EHMT1: variants seen among roughly 807,000 people sequenced by gnomAD.
EHMT1 encodes the protein histone-lysine N-methyltransferase EHMT1.
In EHMT1, 15 loss-of-function variants were observed where a neutral mutation model predicts 147.2. The observed-to-expected ratio is 0.10, with a 90% CI of 0.07 to 0.16. The LOEUF (loss-of-function observed/expected upper bound fraction) is 0.16. EHMT1 is among the 10% of genes least tolerant of loss of function. The pLI is 1.00. For synonymous variants in EHMT1, 795 were observed against 709.6 expected, an observed-to-expected ratio of 1.12 and a Z score of -1.91; for missense variants, 1,587 against 1,772.4, an observed-to-expected ratio of 0.90 and a Z score of 1.88.
In EHMT1 at chr9:137,743,538, G is replaced by A. The variant is rs544345305; in HGVS notation, c.981+10G>A. ...CACTGTGGGTTCCAAGGTAAGAGAC[G>A]CATTTGAGTGAGTTGCCACGTGTGC... On this transcript the variant is annotated intron_variant, in intron 5 of 26. Transcript: ENST00000460843. 6.2e-6 allele frequency: 10 copies of A among 1,614,046 alleles called. No individual in the cohort carries two copies. Among genetic ancestry groups the A allele is most frequent in the Middle Eastern group, 1.6e-4 (1 of 6,062 alleles).
chr9:137,833,949 C>T (rs796698249), intron 25 of EHMT1: 4 of 284,018 alleles, frequency 1.4e-5, no homozygotes, highest in South Asian at 7.9e-5. Flanking sequence ...ACCCCCTCAG[C>T]CCCTGCCACT....
intron 25 of EHMT1, among the ~76,000 whole-genome samples, chr9:137,833,683 A>G (rs1216769302): frequency 1.3e-5 from 2 of 152,200 alleles, no homozygotes; most frequent in East Asian, 1.9e-4. Context: ...GCCCAGGGCC[A>G]TGTGGCCACC....
intron 1 of EHMT1, among the ~76,000 whole-genome samples, chr9:137,654,003 G>T (rs911948661): frequency 2.0e-5 from 3 of 152,120 alleles, no homozygotes; most frequent in Non-Finnish European, 2.9e-5. Context: ...TCACGCTTTC[G>T]CATATGGCTC....
At position 137,740,986 on chromosome 9, in the gene EHMT1, TG is replaced by T. The variant is rs202034448; in HGVS notation, c.824-2384del. Among the ~76,000 whole-genome samples, 121 of 147,794 alleles carry T rather than the reference TG, an allele frequency of 8.2e-4. 4 individuals carry two copies. Among genetic ancestry groups the T allele is most frequent in the Admixed American group, 1.1e-3 (17 of 14,820 alleles). On this transcript the variant is annotated intron_variant, in intron 4 of 26. Transcript: ENST00000460843. ...CTGGGCCCCGACATGATTTTTTTTTTGTTTGTTTGAGACAGAGTCTCGCTGT... is the reference window on the plus strand; with the variant it reads ...CTGGGCCCCGACATGATTTTTTTTTTTTTGTTTGAGACAGAGTCTCGCTGT...
rs1288957401 is a variant in EHMT1 at position 137,711,036 on chromosome 9, G to A, written c.85+6G>A. Reference sequence around the variant, plus strand: ...AACCGAGCTGCTGGGAGAAGGTGAGGGCGGTGTGCACCGAGGGACAGGAGC... The same window carrying A: ...AACCGAGCTGCTGGGAGAAGGTGAGAGCGGTGTGCACCGAGGGACAGGAGC... On this transcript the variant is annotated splice_donor_region_variant and intron_variant, in intron 2 of 26. Coordinates refer to ENST00000460843, the MANE Select transcript of EHMT1 (RefSeq NM_024757.5). 10 of 1,587,982 alleles carry A rather than the reference G, an allele frequency of 6.3e-6. No homozygotes were observed. In the East Asian group the frequency reaches 6.9e-5, roughly 11 times the overall value.
At chr9:137,818,200 T>G in intron 25 of EHMT1, 62 bp downstream of exon 25, 5 of 1,565,834 alleles carry the variant, frequency 3.2e-6, no homozygotes, top group Non-Finnish European at 4.4e-6. Context: ...CTGAATGTGT[T>G]TGTCCCAGTA....
intron 1 of EHMT1, among the ~76,000 whole-genome samples, chr9:137,656,280 T>C (rs950888705): frequency 6.6e-6 from 1 of 152,142 alleles, no homozygotes; most frequent in Non-Finnish European, 1.5e-5. Flanking sequence ...CTCAGGAGGC[T>C]GAGGCAGGAG....
chr9:137,622,010 A>G (rs1842967316), intron 1 of EHMT1, among the ~76,000 whole-genome samples: 1 of 151,272 alleles, frequency 6.6e-6, no homozygotes, highest in Non-Finnish European at 1.5e-5. Context: ...ACATGTGCAC[A>G]ACGTGCAGGT....
intron 7 of EHMT1, among the ~76,000 whole-genome samples, chr9:137,753,687 C>T (rs552094418): frequency 1.3e-4 from 20 of 152,332 alleles, no homozygotes; most frequent in South Asian, 4.1e-4. Context: ...TTGCTGCATC[C>T]GGATTTTAGA....
In EHMT1 at chr9:137,787,988, G is replaced by T; in HGVS notation, c.2383-2860G>T. On this transcript the variant is annotated intron_variant, in intron 15 of 26. Transcript: ENST00000460843. The surrounding 1 kb of genome is among the most constrained non-coding windows in gnomAD (Gnocchi z 4.2). ...TGGACAGCCCCCCAGGAACTGAGGT[G>T]CCCTGCAGTAAGTGGAGAGGCCAGG... 1 of 1,471,888 alleles carries T rather than the reference G, an allele frequency of 6.8e-7. No individual in the cohort carries two copies. 91.2% of individuals were successfully genotyped at this position (1,471,888 alleles called of 1,614,324 possible).
chr9:137,708,885 T>G (rs1944462459), intron 1 of EHMT1, among the ~76,000 whole-genome samples: 1 of 152,122 alleles, frequency 6.6e-6, no homozygotes, highest in South Asian at 2.1e-4. Context: ...GCTCTGTGAG[T>G]GAGGAAAGCT....
At chr9:137,669,401 C>A in intron 1 of EHMT1, among the ~76,000 whole-genome samples, 2 of 150,624 alleles carry the variant, frequency 1.3e-5, no homozygotes, top group Non-Finnish European at 3.0e-5. Flanking sequence ...ACGCCCCCCA[C>A]AGCACGTGCA....
At chr9:137,760,916 G>A (rs1015904549) in intron 9 of EHMT1, among the ~76,000 whole-genome samples, 1 of 152,244 alleles carries the variant, frequency 6.6e-6, no homozygotes, top group Non-Finnish European at 1.5e-5. Flanking sequence ...GCTGAGGCGG[G>A]AGAATGGCTT....
chr9:137,656,829 C>G (rs1204251067), intron 1 of EHMT1, among the ~76,000 whole-genome samples: 1 of 152,162 alleles, frequency 6.6e-6, no homozygotes, highest in African/African-American at 2.4e-5. Flanking sequence ...CAACCTCTGT[C>G]TCCCAGGTTC....
chr9:137,734,794 G>A (rs2135903391), intron 4 of EHMT1, among the ~76,000 whole-genome samples: 1 of 152,250 alleles, frequency 6.6e-6, no homozygotes, highest in South Asian at 2.1e-4. Context: ...TATATCACCG[G>A]TATATTAAGA....
At chr9:137,707,916 C>T (rs114764099) in intron 1 of EHMT1, among the ~76,000 whole-genome samples, 256 of 152,280 alleles carry the variant, frequency 1.7e-3, no homozygotes, top group African/African-American at 5.8e-3. Flanking sequence ...AGAGCTGTGC[C>T]GTGGCAGGCA....
chr9:137,818,314 G>A (rs1955091748), intron 25 of EHMT1, among the ~76,000 whole-genome samples, 176 bp downstream of exon 25: 1 of 152,174 alleles, frequency 6.6e-6, no homozygotes, highest in Admixed American at 6.5e-5. Flanking sequence ...TGCCCTGCAT[G>A]GATGGAGGGA....
intron 1 of EHMT1, among the ~76,000 whole-genome samples, chr9:137,644,957 C>G (rs1015958865): frequency 6.6e-6 from 1 of 152,074 alleles, no homozygotes; most frequent in African/African-American, 2.4e-5. Flanking sequence ...ACTGCAGTCT[C>G]CACCTCCCAG....
At chr9:137,784,306 C>A in intron 15 of EHMT1, 1 of 1,412,488 alleles carries the variant, frequency 7.1e-7, no homozygotes, top group South Asian at 1.6e-5. Flanking sequence ...GTGGCTCCAT[C>A]TTCACAGCCT....
Sources: gnomAD v4.1 joint callset for allele counts (sites outside exome capture counted in the v4.1 genomes callset) on GRCh38, gnomAD v4.1.1 for gene constraint, Gnocchi (gnomAD v3.1) non-coding constraint, MANE v1.5 for transcripts, NCBI Gene and HGNC (gene_info 2026-07-23, HGNC 2026-07-21) for gene names.